TRDMT1: variants seen among roughly 807,000 people sequenced by gnomAD.
TRDMT1 encodes the protein tRNA aspartic acid methyltransferase 1, also known as tRNA (cytosine(38)-C(5))-methyltransferase.
A neutral mutation model predicts 51.2 loss-of-function variants in TRDMT1; 49 were observed. The ratio of observed to expected loss-of-function variants is 0.96; its 90% CI spans 0.76 to 1.21. The LOEUF (loss-of-function observed/expected upper bound fraction) is 1.21, where lower values mean the gene tolerates loss of function less well. Ranked by LOEUF, TRDMT1 falls within the 50% of genes most tolerant of loss-of-function variation. The pLI, the probability that TRDMT1 is intolerant of heterozygous loss-of-function variation, is 0.00. For synonymous variants in TRDMT1, 187 were observed against 164.6 expected (o/e 1.14, Z -1.04); for missense variants, 534 against 462.3 (o/e 1.16, Z -1.42).
At chr10:17,191,309 A>G (rs1367102156) in intron 1 of TRDMT1, among the ~76,000 whole-genome samples, 2 of 152,212 alleles carry the variant, frequency 1.3e-5, no homozygotes, top group African/African-American at 4.8e-5. Context: ...TATATTTTTT[A>G]AAGATCACTC....
In TRDMT1 at chr10:17,149,127, C is replaced by T. The variant is rs747741574; in HGVS notation, c.1089G>A (p.Lys363=). The T allele has an allele frequency of 6.2e-7, 1 of 1,609,504 alleles. No individual in the cohort carries two copies. Among genetic ancestry groups the T allele is most frequent in the Non-Finnish European group, 8.5e-7 (1 of 1,177,816 alleles). ...GFPPEFGFPE[K]ITVKQRYRLL... ...GGCGATAACGCTGTTTCACTGTTATCTTCTCAGGAAATCCTAAAAAGACAA... is the reference window on the plus strand; with the variant it reads ...GGCGATAACGCTGTTTCACTGTTATTTTCTCAGGAAATCCTAAAAAGACAA... The change falls in exon 11 of 11, where the codon AAG becomes AAA. Residue 363 remains lysine (K), a synonymous_variant. Coordinates refer to ENST00000377799, the MANE Select transcript of TRDMT1 (RefSeq NM_004412.7).
intron 1 of TRDMT1, among the ~76,000 whole-genome samples, chr10:17,179,804 A>G (rs1843051988): frequency 6.6e-6 from 1 of 151,898 alleles, no homozygotes; most frequent in Admixed American, 6.6e-5. Context: ...ATTTAATCCC[A>G]AGAGACTAGC....
At chr10:17,174,473 C>A (rs940390369) in intron 2 of TRDMT1, 78 bp downstream of exon 2, 4 of 952,158 alleles carry the variant, frequency 4.2e-6, no homozygotes, top group Non-Finnish European at 6.5e-6. Flanking sequence ...ATTAAGACAA[C>A]GGAAACCAGT....
rs573916176 is a variant in TRDMT1 at position 17,197,951 on chromosome 10, T to C, written c.64+3620A>G. On this transcript the variant is annotated intron_variant, in intron 1 of 10. Transcript: ENST00000377799. ...CGGGAGGCTGAGGCAGGAAGATCGC[T>C]TGAACCCGGGAGACGGAGGTTGCAG... Among the ~76,000 whole-genome samples, 29 of 152,032 alleles carry C rather than the reference T, an allele frequency of 1.9e-4. No homozygotes were observed. The East Asian group carries it at 5.0e-3, about 26-fold the overall frequency.
intron 8 of TRDMT1, 38 bp downstream of exon 8, chr10:17,157,403 T>G (rs1241470720): frequency 6.8e-7 from 1 of 1,474,798 alleles, no homozygotes; most frequent in Non-Finnish European, 9.1e-7. Flanking sequence ...AAAACCTGGT[T>G]ATTTTGGATA....
intron 1 of TRDMT1, 173 bp downstream of exon 1, chr10:17,201,398 G>C: frequency 3.4e-6 from 2 of 581,076 alleles, no homozygotes; most frequent in Non-Finnish European, 5.8e-6. Flanking sequence ...GCGTCTGGAG[G>C]GGTGGACACG....
intron 10 of TRDMT1, among the ~76,000 whole-genome samples, chr10:17,149,430 TA>T (rs1362141677): frequency 6.6e-6 from 1 of 152,144 alleles, no homozygotes; most frequent in Non-Finnish European, 1.5e-5. Context: ...GTGCACTTTT[TA>T]AAAAAGCTGT....
intron 1 of TRDMT1, among the ~76,000 whole-genome samples, chr10:17,181,835 C>T (rs1287881814): frequency 4.6e-5 from 7 of 152,174 alleles, no homozygotes; most frequent in African/African-American, 1.7e-4. Context: ...ACTGAGGATA[C>T]AAAATGAGTG....
At chr10:17,167,770 A>G (rs1841410398) in intron 3 of TRDMT1, among the ~76,000 whole-genome samples, 1 of 152,208 alleles carries the variant, frequency 6.6e-6, no homozygotes, top group Admixed American at 6.5e-5. Context: ...TTGTACAATT[A>G]AGCAATTTAG....
In TRDMT1 at chr10:17,144,164, CTCTT is replaced by C. The variant is rs759107619; in HGVS notation, c.*4872_*4875del. On this transcript the variant is annotated 3_prime_UTR_variant, in exon 11 of 11. Coordinates refer to ENST00000377799, the MANE Select transcript of TRDMT1 (RefSeq NM_004412.7). ...GCTCCAAGCCTCTGCTCTTCTTTTT[CTCTT>C]TCTCTCTTTCACTCTCATCCTCTGA... is the stretch of plus-strand genomic sequence containing the variant. 226 of 985,432 alleles carry C rather than the reference CTCTT, an allele frequency of 2.3e-4. No homozygotes were observed. Among genetic ancestry groups the C allele is most frequent in the Non-Finnish European group, 2.7e-4 (221 of 829,918 alleles). 61.0% of individuals were successfully genotyped at this position (985,432 alleles called of 1,614,324 possible). A position where few individuals can be genotyped will look rare whatever the true frequency, so the allele number is the denominator to read the frequency against.
At chr10:17,169,458 C>G (rs1482184232) in intron 2 of TRDMT1, 7 of 1,289,524 alleles carry the variant, frequency 5.4e-6, no homozygotes, top group East Asian at 1.1e-4. Context: ...GTGCAATGAA[C>G]TTCAAATGAC....
chr10:17,171,137 G>GTGTGTT (rs1318940561), intron 2 of TRDMT1, among the ~76,000 whole-genome samples: 1 of 151,924 alleles, frequency 6.6e-6, no homozygotes, highest in Non-Finnish European at 1.5e-5. Context: ...GTGTGTGTGT[G>GTGTGTT]TGTGTAGTCA....
intron 7 of TRDMT1, 57 bp from the exon 8 acceptor site, chr10:17,157,841 T>G: frequency 7.6e-7 from 1 of 1,319,630 alleles, no homozygotes; most frequent in Non-Finnish European, 1.0e-6. Flanking sequence ...ATAAGAGAAA[T>G]TAACAATGTC....
chr10:17,151,786 TTA>T (rs1838772284), intron 10 of TRDMT1: 18 of 815,758 alleles, frequency 2.2e-5, no homozygotes, highest in Non-Finnish European at 2.7e-5. Flanking sequence ...AAATTTTACA[TTA>T]TGTCTCAGAT....
rs199839033 is a variant in TRDMT1, at chr10:17,141,158, T to TTTTA, written c.*7878_*7881dup. Among the ~76,000 whole-genome samples the TTTTA allele has an allele frequency of 9.9e-5, 15 of 152,256 alleles. No homozygotes were observed. The South Asian group carries it at 1.0e-3, about 11-fold the overall frequency. On this transcript the variant is annotated 3_prime_UTR_variant, in exon 11 of 11. Coordinates refer to ENST00000377799, the MANE Select transcript of TRDMT1 (RefSeq NM_004412.7). ...CAACGTGTCATTTTTCTCCAGCTGC[T>TTTTA]TTTATTTATTTATTTATTTTTTTGA... is the stretch of plus-strand genomic sequence containing the variant.
rs546470881 is a variant in TRDMT1 at position 17,162,917 on chromosome 10, T to C, written c.252-680A>G. On this transcript the variant is annotated intron_variant, in intron 3 of 10. Transcript: ENST00000377799. ...AATAAAACCAACTGCTCTCTTAAAA[T>C]CACTATGTTTAGGAAAACACACACA... 9.2e-5 allele frequency among the ~76,000 whole-genome samples: 14 copies of C among 152,290 alleles called. No individual in the cohort carries two copies. In the South Asian group the frequency reaches 2.9e-3, roughly 32 times the overall value.
At chr10:17,165,162 C>CA (rs1841004265) in intron 3 of TRDMT1, among the ~76,000 whole-genome samples, 4 of 152,070 alleles carry the variant, frequency 2.6e-5, no homozygotes, top group Non-Finnish European at 5.9e-5. Context: ...GTACTGGTAC[C>CA]AAAACAGAGA....
intron 8 of TRDMT1, among the ~76,000 whole-genome samples, chr10:17,155,186 C>T (rs1470866840): frequency 6.6e-6 from 1 of 151,944 alleles, no homozygotes; most frequent in Non-Finnish European, 1.5e-5. Context: ...TGCACTCCAG[C>T]CTGGGCAACA....
At chr10:17,197,022 C>T (rs1845538960) in intron 1 of TRDMT1, among the ~76,000 whole-genome samples, 1 of 152,202 alleles carries the variant, frequency 6.6e-6, no homozygotes, top group Non-Finnish European at 1.5e-5. Flanking sequence ...TAAAGCTTCA[C>T]TGTGGCCATA....
Sources: allele counts gnomAD v4.1 joint callset (sites outside exome capture counted in the v4.1 genomes callset), GRCh38; gene constraint gnomAD v4.1.1; transcripts MANE v1.5; gene names NCBI Gene and HGNC (gene_info 2026-07-23, HGNC 2026-07-21).